The following RBFOX3 variants were observed in gnomAD, a reference collection of about 807,000 sequenced individuals.
RBFOX3 encodes the protein RNA binding fox-1 homolog 3.
Under a neutral mutation model 48.7 loss-of-function variants are expected in RBFOX3, and 17 were observed. The ratio of observed to expected loss-of-function variants is 0.35; its 90% CI spans 0.24 to 0.52. The LOEUF is 0.52. RBFOX3 is among the 20% of genes least tolerant of loss of function. The probability of loss-of-function intolerance (pLI) is 0.94; values close to 1 mark genes in which losing one functional copy is unlikely to be tolerated. For synonymous variants in RBFOX3, 212 were observed against 209.5 expected (o/e 1.01, Z -0.10); for missense variants, 382 against 497.5 (o/e 0.77, Z 2.21).
rs561613833 is a variant in RBFOX3, at chr17:79,094,424, A to C, written c.1077+27T>G. The C allele has an allele frequency of 8.5e-4, 1,263 of 1,485,222 alleles. 12 individuals carry two copies. The South Asian group carries it at 0.012, about 15-fold the overall frequency. The allele number at this position is 1,485,222 out of a possible 1,614,324, so 92.0% of individuals were successfully genotyped here. ...TGCCCAGCTGTTAGGACTGGCACCC[A>C]GGGCTGGGCGGGCCTGGGCTCCTTA... On this transcript the variant is annotated intron_variant, in intron 14 of 14. Transcript: ENST00000693108.
At chr17:79,568,060 T>C (rs954082037) in intron 1 of RBFOX3, among the ~76,000 whole-genome samples, 4 of 152,180 alleles carry the variant, frequency 2.6e-5, no homozygotes, top group East Asian at 3.8e-4. Flanking sequence ...TGCGTGTACT[T>C]GCGCTGGGTA....
intron 9 of RBFOX3, among the ~76,000 whole-genome samples, chr17:79,101,176 C>G (rs2076364044): frequency 6.6e-6 from 1 of 152,186 alleles, no homozygotes; most frequent in African/African-American, 2.4e-5. Flanking sequence ...ACTGCCCTCC[C>G]TGAGCCTGCT....
At chr17:79,340,822 C>A (rs138239821) in intron 2 of RBFOX3, among the ~76,000 whole-genome samples, 4 of 152,280 alleles carry the variant, frequency 2.6e-5, no homozygotes, top group Non-Finnish European at 5.9e-5. Context: ...AGTCAGCATG[C>A]CGGAGAGGGC....
chr17:79,324,053 G>T (rs2078952264), intron 2 of RBFOX3, among the ~76,000 whole-genome samples: 1 of 152,186 alleles, frequency 6.6e-6, no homozygotes, highest in South Asian at 2.1e-4. Context: ...CTTTACAGGG[G>T]TCATTACTGT....
At chr17:79,206,013 A>C (rs75667058) in intron 4 of RBFOX3, among the ~76,000 whole-genome samples, 1,847 of 152,252 alleles carry the variant, frequency 0.012, 39 homozygotes, top group South Asian at 0.043. Flanking sequence ...TACACTGAGG[A>C]AATCAGGCTC....
chr17:79,401,565 T>C (rs560673054), intron 2 of RBFOX3, among the ~76,000 whole-genome samples: 1 of 152,128 alleles, frequency 6.6e-6, no homozygotes, highest in Admixed American at 6.5e-5. Context: ...GGGGAGGGAA[T>C]GGGAGAGGGG....
chr17:79,350,297 T>C (rs1232972886), intron 2 of RBFOX3, among the ~76,000 whole-genome samples: 1 of 152,192 alleles, frequency 6.6e-6, no homozygotes, highest in African/African-American at 2.4e-5. Context: ...CCTCCTCTGA[T>C]GGTCCTGTTT....
chr17:79,213,924 G>A (rs1600041666), intron 4 of RBFOX3, among the ~76,000 whole-genome samples: 1 of 152,238 alleles, frequency 6.6e-6, no homozygotes, highest in Non-Finnish European at 1.5e-5. Flanking sequence ...GGGAATTGAG[G>A]ATGTGAAGGA....
intron 4 of RBFOX3, among the ~76,000 whole-genome samples, chr17:79,129,612 C>G (rs993944765): frequency 2.6e-5 from 4 of 152,234 alleles, no homozygotes; most frequent in African/African-American, 9.6e-5. Flanking sequence ...CTTCAAGGTG[C>G]AGAGGACACC....
intron 4 of RBFOX3, among the ~76,000 whole-genome samples, chr17:79,156,806 G>A (rs1281457233): frequency 2.0e-5 from 3 of 152,174 alleles, no homozygotes; most frequent in Admixed American, 1.3e-4. Flanking sequence ...AGGACAGGGT[G>A]AGCCTGGCTT....
intron 2 of RBFOX3, among the ~76,000 whole-genome samples, chr17:79,440,077 T>C (rs2070539579): frequency 6.6e-6 from 1 of 152,160 alleles, no homozygotes; most frequent in African/African-American, 2.4e-5. Context: ...GGATCTGGGC[T>C]GAGCGGCAAC....
In RBFOX3 at chr17:79,121,144, G is replaced by A. The variant is rs189698759; in HGVS notation, c.-33-5396C>T. Among the ~76,000 whole-genome samples the A allele has an allele frequency of 5.3e-5, 8 of 152,042 alleles. No individual in the cohort carries two copies. In the East Asian group the frequency reaches 1.2e-3, roughly 22 times the overall value. The stretch of plus-strand genomic sequence containing the variant: ...ATTCACCTGCCCACCTCCCTGCCTC[G>A]TCACCTACACCAGGCCCTCCCTTCT... On this transcript the variant is annotated intron_variant, in intron 4 of 14. Coordinates refer to ENST00000693108, the MANE Select transcript of RBFOX3 (RefSeq NM_001350451.2).
intron 2 of RBFOX3, among the ~76,000 whole-genome samples, chr17:79,415,152 C>T (rs995918021): frequency 3.3e-5 from 5 of 152,144 alleles, no homozygotes; most frequent in African/African-American, 4.8e-5. Context: ...GCAATCTGCC[C>T]GGTGCCACCT....
chr17:79,301,172 C>T (rs2075254203), intron 3 of RBFOX3, among the ~76,000 whole-genome samples: 1 of 152,216 alleles, frequency 6.6e-6, no homozygotes. Context: ...AGAGGCCACT[C>T]TCTGGGTCCC....
At chr17:79,126,544 C>T (rs1183114496) in intron 4 of RBFOX3, among the ~76,000 whole-genome samples, 1 of 152,140 alleles carries the variant, frequency 6.6e-6, no homozygotes, top group East Asian at 1.9e-4. Flanking sequence ...ATTACTCTGA[C>T]CTCCCCTGCC....
At chr17:79,608,793 C>A (rs2093897941) in intron 1 of RBFOX3, among the ~76,000 whole-genome samples, 1 of 151,900 alleles carries the variant, frequency 6.6e-6, no homozygotes, top group African/African-American at 2.4e-5. Context: ...GAGGCGCCCA[C>A]GCAGGAAGGC....
intron 2 of RBFOX3, among the ~76,000 whole-genome samples, chr17:79,370,640 ATACATATG>A (rs1479276412): frequency 6.6e-6 from 1 of 151,890 alleles, no homozygotes; most frequent in Non-Finnish European, 1.5e-5. Flanking sequence ...ACTAACATAC[ATACATATG>A]TGTGCTCACT....
chr17:79,642,614 T>C, the RBFOX3 span, among the ~76,000 whole-genome samples: 1 of 152,086 alleles, frequency 6.6e-6, no homozygotes, highest in African/African-American at 2.4e-5. Flanking sequence ...ATGGGCTTAT[T>C]ATAGGGAAAA....
intron 3 of RBFOX3, among the ~76,000 whole-genome samples, chr17:79,297,724 C>T (rs1010073700): frequency 6.6e-6 from 1 of 152,214 alleles, no homozygotes; most frequent in Admixed American, 6.5e-5. Flanking sequence ...TAGGTCCCAG[C>T]CCACTTGGGG....
Sources: gnomAD v4.1 joint callset for allele counts (sites outside exome capture counted in the v4.1 genomes callset) on GRCh38, gnomAD v4.1.1 for gene constraint, MANE v1.5 for transcripts, NCBI Gene and HGNC (gene_info 2026-07-23, HGNC 2026-07-21) for gene names.